Variants in CABLES1 observed in about 807,000 individuals in gnomAD.
The protein encoded by CABLES1 is Cdk5 and Abl enzyme substrate 1.
A neutral mutation model predicts 57.8 loss-of-function variants in CABLES1; 36 were observed. The ratio of observed to expected loss-of-function variants is 0.62; its 90% confidence interval spans 0.48 to 0.82. The LOEUF (loss-of-function observed/expected upper bound fraction) is 0.82. Among genes scored for constraint, CABLES1 ranks in the 40% least tolerant of loss-of-function variants. The pLI is 0.00. For missense variants in CABLES1, 767 were observed against 836.6 expected, an observed-to-expected ratio of 0.92 and a Z score of 1.03; for synonymous variants, 374 against 363.0, an observed-to-expected ratio of 1.03 and a Z score of -0.35.
chr18:23,148,751 T>C (rs1410346279), intron 1 of CABLES1, among the ~76,000 whole-genome samples: 4 of 152,140 alleles, frequency 2.6e-5, no homozygotes, highest in Non-Finnish European at 5.9e-5. Flanking sequence ...GGGTGCACTG[T>C]GGCAAAGCAC....
At chr18:23,141,874 A>C (rs1377724946) in intron 1 of CABLES1, among the ~76,000 whole-genome samples, 1 of 152,178 alleles carries the variant, frequency 6.6e-6, no homozygotes, top group Non-Finnish European at 1.5e-5. Flanking sequence ...CTCTCTTCAG[A>C]AAGATAGCGG....
intron 1 of CABLES1, among the ~76,000 whole-genome samples, chr18:23,161,173 C>A (rs2047001245): frequency 6.6e-6 from 1 of 152,150 alleles, no homozygotes; most frequent in Non-Finnish European, 1.5e-5. Context: ...ATCAGCACTG[C>A]ACTCCAGCCT....
At chr18:23,237,048 C>T in intron 6 of CABLES1, 94 bp from the exon 7 acceptor site, 1 of 796,152 alleles carries the variant, frequency 1.3e-6, no homozygotes, top group Non-Finnish European at 2.3e-6. Flanking sequence ...AGCCTTTCTT[C>T]ATTCCAGCTA....
At chr18:23,220,389 T>A (rs1208164982) in intron 4 of CABLES1, among the ~76,000 whole-genome samples, 2 of 152,134 alleles carry the variant, frequency 1.3e-5, no homozygotes. Context: ...CAGGTGCCAG[T>A]ATTACCATTT....
At position 23,136,185 on chromosome 18, in the gene CABLES1, A is replaced by C; in HGVS notation, c.423A>C (p.Pro141=). The C allele has an allele frequency of 8.1e-7, 1 of 1,235,352 alleles. No individual in the cohort carries two copies. The highest frequency in any genetic ancestry group is 3.6e-5 in the South Asian group (1 of 27,816). The allele number at this position is 1,235,352 out of a possible 1,614,324, so 76.5% of individuals were successfully genotyped here. ...GLAAGSGPCL[P]QPSSLPPLIP... is the part of the protein sequence containing the mutation. ...CCGCTGGGTCCGGCCCCTGCCTCCC[A>C]CAGCCCTCGTCGCTGCCGCCCTTGA... The change falls in exon 1 of 10, where the codon CCA becomes CCC. Residue 141 remains proline, a synonymous_variant. Coordinates refer to ENST00000256925, the MANE Select transcript of CABLES1 (RefSeq NM_001100619.3).
In CABLES1 at chr18:23,151,951, A is replaced by G. The variant is rs192021059; in HGVS notation, c.845+15344A>G. Among the ~76,000 whole-genome samples, 59 of 152,300 alleles carry G rather than the reference A, an allele frequency of 3.9e-4. 1 individual carries two copies. Among genetic ancestry groups the G allele is most frequent in the African/African-American group, 1.2e-3 (49 of 41,564 alleles). ...GGGTGGAGAGAAGTGAACGGACTCA[A>G]CAGAGATGAAAGGCACAATGGAGAT... On this transcript the variant is annotated intron_variant, in intron 1 of 9. Transcript: ENST00000256925.
intron 7 of CABLES1, among the ~76,000 whole-genome samples, chr18:23,241,524 G>A (rs781587810): frequency 6.6e-5 from 10 of 152,066 alleles, no homozygotes; most frequent in Non-Finnish European, 1.2e-4. Context: ...GCGAAACTAC[G>A]TCTCAAAAAA....
At chr18:23,154,859 T>C (rs976949926) in intron 1 of CABLES1, among the ~76,000 whole-genome samples, 2 of 152,220 alleles carry the variant, frequency 1.3e-5, no homozygotes, top group African/African-American at 4.8e-5. Context: ...GGCCAGTGTT[T>C]CTGGACACCT....
chr18:23,201,695 CAT>C lies in CABLES1; in HGVS notation c.1010+7156_1010+7157del, dbSNP rs374538066. Among the ~76,000 whole-genome samples, 1,324 of 152,320 alleles carry C rather than the reference CAT, an allele frequency of 8.7e-3. 9 individuals carry two copies. The highest frequency in any genetic ancestry group is 0.025 in the African/African-American group (1,019 of 41,562). ...ACATGTGTCCTCGGTCCACCCCACA[CAT>C]GTTTGCTGGCACCTACTCTGTGACT... On this transcript the variant is annotated intron_variant, in intron 3 of 9. Coordinates refer to ENST00000256925, the MANE Select transcript of CABLES1 (RefSeq NM_001100619.3).
intron 7 of CABLES1, among the ~76,000 whole-genome samples, chr18:23,245,935 T>G (rs2047866646): frequency 6.6e-6 from 1 of 152,210 alleles, no homozygotes; most frequent in South Asian, 2.1e-4. Context: ...GAGCCCTTCA[T>G]CTGGTGAATC....
At chr18:23,172,609 C>T (rs1436010586) in intron 1 of CABLES1, among the ~76,000 whole-genome samples, 1 of 152,322 alleles carries the variant, frequency 6.6e-6, no homozygotes, top group African/African-American at 2.4e-5. Flanking sequence ...TTATTTTCCA[C>T]AGTAACCAAA....
At chr18:23,238,088 G>C (rs1174756253) in intron 7 of CABLES1, among the ~76,000 whole-genome samples, 1 of 152,260 alleles carries the variant, frequency 6.6e-6, no homozygotes, top group Non-Finnish European at 1.5e-5. Context: ...ACAGCCGAGC[G>C]CTTCCTCCTC....
intron 7 of CABLES1, among the ~76,000 whole-genome samples, chr18:23,251,912 T>A (rs2048047510): frequency 6.6e-6 from 1 of 151,906 alleles, no homozygotes; most frequent in Non-Finnish European, 1.5e-5. Flanking sequence ...ATGGTGAAAC[T>A]CAGTCTCTCT....
rs191010688 is a variant in CABLES1 at position 23,159,612 on chromosome 18, G to A, written c.845+23005G>A. ...TTCTGTGTCTGTGTTGATTCTGCCC[G>A]AGGCGACGGGACGAGATACACTGCT... On this transcript the variant is annotated intron_variant, in intron 1 of 9. Coordinates refer to ENST00000256925, the MANE Select transcript of CABLES1 (RefSeq NM_001100619.3). Among the ~76,000 whole-genome samples the A allele has an allele frequency of 2.6e-4, 39 of 152,270 alleles. No individual in the cohort carries two copies. The East Asian group carries it at 6.0e-3, about 23-fold the overall frequency.
At chr18:23,180,110 A>C (rs183710048) in intron 1 of CABLES1, among the ~76,000 whole-genome samples, 24 of 151,378 alleles carry the variant, frequency 1.6e-4, no homozygotes, top group Admixed American at 1.6e-3. Context: ...TTTAGTAGAG[A>C]CTGGGTTTCG....
At chr18:23,183,379 G>A (rs118029320) in intron 1 of CABLES1, among the ~76,000 whole-genome samples, 2 of 152,334 alleles carry the variant, frequency 1.3e-5, no homozygotes, top group Admixed American at 6.5e-5. Context: ...CGGAGGAACC[G>A]TTTTCCCTTC....
chr18:23,237,130 T>C lies in CABLES1; in HGVS notation c.1343-12T>C, dbSNP rs764346578. 5 of 1,533,338 alleles carry C rather than the reference T, an allele frequency of 3.3e-6. No homozygotes were observed. The highest frequency in any genetic ancestry group is 4.5e-6 in the Non-Finnish European group (5 of 1,106,492). 95.0% of individuals were successfully genotyped at this position (1,533,338 alleles called of 1,614,324 possible). A position where few individuals can be genotyped will look rare whatever the true frequency, so the allele number is the denominator to read the frequency against. ...GCTAATTATCATTTTGCATTTTGCA[T>C]GTGATCTTCAGGTAGTGACCTGGGA... On this transcript the variant is annotated splice_polypyrimidine_tract_variant and intron_variant, in intron 6 of 9. Transcript: ENST00000256925.
At chr18:23,182,964 A>G (rs1247556190) in intron 1 of CABLES1, among the ~76,000 whole-genome samples, 1 of 152,236 alleles carries the variant, frequency 6.6e-6, no homozygotes, top group East Asian at 1.9e-4. Flanking sequence ...GAGCTGAGGA[A>G]GGTACCTGGA....
At chr18:23,197,092 G>A (rs1432501889) in intron 3 of CABLES1, 1 of 152,212 alleles carries the variant, frequency 6.6e-6, no homozygotes, top group East Asian at 1.9e-4. Flanking sequence ...ACTCACGTCT[G>A]ACCTAACCAA....
Sources: allele counts gnomAD v4.1 joint callset (sites outside exome capture counted in the v4.1 genomes callset), GRCh38; gene constraint gnomAD v4.1.1; transcripts MANE v1.5; gene names NCBI Gene and HGNC (gene_info 2026-07-23, HGNC 2026-07-21).